Variants in SPATA16 observed in about 807,000 individuals in gnomAD.
SPATA16 encodes the protein spermatogenesis-associated protein 16.
A neutral mutation model predicts 63.3 loss-of-function variants in SPATA16; 36 were observed. The observed-to-expected ratio is 0.57, with a 90% CI of 0.44 to 0.75. The LOEUF is 0.75. Among genes scored for constraint, SPATA16 ranks in the 30% least tolerant of loss-of-function variants. The pLI is 0.00. For synonymous variants in SPATA16, 203 were observed against 216.7 expected (o/e 0.94, Z 0.56); for missense variants, 646 against 679.3 (o/e 0.95, Z 0.54).
chr3:172,990,735 T>C (rs1457658434), intron 4 of SPATA16, among the ~76,000 whole-genome samples: 1 of 152,174 alleles, frequency 6.6e-6, no homozygotes, highest in Non-Finnish European at 1.5e-5. Flanking sequence ...CTCTTGCCAA[T>C]TGTGAGTAAA....
At chr3:172,951,382 C>G (rs1167688430) in intron 6 of SPATA16, among the ~76,000 whole-genome samples, 1 of 151,802 alleles carries the variant, frequency 6.6e-6, no homozygotes, top group Non-Finnish European at 1.5e-5. Context: ...TCATCAGTCT[C>G]ATAGAAATTA....
chr3:172,908,801 A>G lies in SPATA16; in HGVS notation c.1587+4860T>C, dbSNP rs3732931. ...GGTGGTGATGCTGATATCAACTTCT[A>G]CTGGGCTCAGAACACAGTGTAGCTT... On this transcript the variant is annotated intron_variant, in intron 10 of 10. Transcript: ENST00000351008. 9.3e-5 allele frequency among the ~76,000 whole-genome samples: 14 copies of G among 151,240 alleles called. No individual in the cohort carries two copies. The East Asian group carries it at 2.5e-3, about 27-fold the overall frequency.
At chr3:173,048,844 T>C in intron 3 of SPATA16, 105 bp downstream of exon 3, 1 of 1,440,206 alleles carries the variant, frequency 6.9e-7, no homozygotes, top group Non-Finnish European at 9.7e-7. Flanking sequence ...AATGTTTGTT[T>C]CTTCTTTAAA....
intron 6 of SPATA16, among the ~76,000 whole-genome samples, chr3:172,939,658 G>A (rs1733099486): frequency 6.6e-6 from 1 of 152,208 alleles, no homozygotes; most frequent in Non-Finnish European, 1.5e-5. Flanking sequence ...TAAGAGTAAT[G>A]TCCTTTTAAA....
intron 8 of SPATA16, among the ~76,000 whole-genome samples, chr3:172,919,346 A>G (rs1380033473): frequency 2.0e-5 from 3 of 152,206 alleles, no homozygotes; most frequent in Non-Finnish European, 4.4e-5. Context: ...CTGCTGGCTG[A>G]ATGGGGTTGA....
At chr3:172,908,375 A>C (rs1037116257) in intron 10 of SPATA16, among the ~76,000 whole-genome samples, 1 of 152,226 alleles carries the variant, frequency 6.6e-6, no homozygotes, top group Non-Finnish European at 1.5e-5. Context: ...ACAGACATCT[A>C]TCTTTCTTGA....
chr3:173,135,473 C>T (rs190975508), intron 1 of SPATA16, among the ~76,000 whole-genome samples: 18 of 152,234 alleles, frequency 1.2e-4, no homozygotes, highest in Admixed American at 3.3e-4. Flanking sequence ...CATACAAGAA[C>T]GTTCACAGTA....
rs934786989 is a variant in SPATA16 at position 173,019,541 on chromosome 3, G to T, written c.793C>A (p.His265Asn). 1.9e-6 allele frequency: 3 copies of T among 1,614,052 alleles called. No homozygotes were observed. Among genetic ancestry groups the T allele is most frequent in the Middle Eastern group, 3.3e-4 (2 of 6,062 alleles). Reference protein sequence around the residue: ...IVLNPAYFRNHLRQATVFRCL... With the variant: ...IVLNPAYFRNNLRQATVFRCL... Reference sequence around the variant, plus strand: ...CTAAACACTGTTGCTTGACGAAGATGATTCCGGAAATAGGCTGGGTTTAAA... The same window carrying T: ...CTAAACACTGTTGCTTGACGAAGATTATTCCGGAAATAGGCTGGGTTTAAA... Residue 265 changes from histidine to asparagine, a missense_variant, in exon 4 of 11, where the codon CAT becomes AAT. Transcript: ENST00000351008.
chr3:173,049,021 A>C lies in SPATA16; in HGVS notation c.686T>G (p.Phe229Cys). Reference protein sequence around the residue: ...PAEDIASVASFIETKLVTCYL... With the variant: ...PAEDIASVASCIETKLVTCYL... Reference sequence around the variant, plus strand: ...ACAGGTAACAAGCTTTGTCTCAATGAAACTTGCCACGCTTGCTATATCTTC... The same window carrying C: ...ACAGGTAACAAGCTTTGTCTCAATGCAACTTGCCACGCTTGCTATATCTTC... The change falls in exon 3 of 11, where the codon TTC (phenylalanine) becomes TGC (cysteine). Residue 229 changes from phenylalanine (F) to cysteine (C), a missense_variant. Coordinates refer to ENST00000351008, the MANE Select transcript of SPATA16 (RefSeq NM_031955.6). 1.9e-6 allele frequency: 3 copies of C among 1,613,894 alleles called. No homozygotes were observed. The highest frequency in any genetic ancestry group is 1.7e-4 in the Middle Eastern group (1 of 6,060).
At chr3:173,048,754 G>A (rs571160326) in intron 3 of SPATA16, among the ~76,000 whole-genome samples, 195 bp downstream of exon 3, 1 of 152,206 alleles carries the variant, frequency 6.6e-6, no homozygotes, top group East Asian at 1.9e-4. Flanking sequence ...AGTTTCTTGT[G>A]TCTCTATTTC....
At chr3:173,022,854 T>TA (rs1361103904) in intron 3 of SPATA16, among the ~76,000 whole-genome samples, 2 of 152,182 alleles carry the variant, frequency 1.3e-5, no homozygotes, top group Middle Eastern at 3.4e-3. Flanking sequence ...GGGCTTTTGG[T>TA]AAAAAACAAG....
intron 6 of SPATA16, among the ~76,000 whole-genome samples, chr3:172,950,987 T>G (rs1425197270): frequency 6.6e-6 from 1 of 152,152 alleles, no homozygotes; most frequent in African/African-American, 2.4e-5. Flanking sequence ...ATTATTAAAA[T>G]ACAACCATGC....
chr3:172,903,328 T>A (rs1228481593), intron 10 of SPATA16, among the ~76,000 whole-genome samples: 1 of 152,256 alleles, frequency 6.6e-6, no homozygotes, highest in Non-Finnish European at 1.5e-5. Flanking sequence ...GAAAAACTTT[T>A]GCAAAGATAA....
At chr3:172,968,216 G>A (rs930774629) in intron 5 of SPATA16, among the ~76,000 whole-genome samples, 1 of 152,232 alleles carries the variant, frequency 6.6e-6, no homozygotes, top group Non-Finnish European at 1.5e-5. Flanking sequence ...CCCTTGCAGG[G>A]CATATTCTGA....
intron 2 of SPATA16, among the ~76,000 whole-genome samples, chr3:173,054,446 A>G (rs998030455): frequency 2.6e-5 from 4 of 152,238 alleles, no homozygotes; most frequent in South Asian, 2.1e-4. Context: ...ATGGAACACT[A>G]TGCAACCATA....
intron 10 of SPATA16, among the ~76,000 whole-genome samples, chr3:172,908,872 C>G (rs1732299383): frequency 6.6e-6 from 1 of 151,772 alleles, no homozygotes; most frequent in Admixed American, 6.6e-5. Context: ...TCTGCACACG[C>G]AAATTAACTC....
intron 5 of SPATA16, among the ~76,000 whole-genome samples, chr3:172,974,539 G>A (rs36026971): frequency 0.1 from 15,160 of 151,752 alleles, 863 homozygotes; most frequent in East Asian, 0.15. Flanking sequence ...TTAGGGATTC[G>A]AATGTATACA....
At chr3:173,049,204 C>T in intron 2 of SPATA16, 110 bp from the exon 3 acceptor site, 2 of 1,249,296 alleles carry the variant, frequency 1.6e-6, no homozygotes, top group Non-Finnish European at 2.2e-6. Flanking sequence ...CTTATGCTTG[C>T]TTATATGTTT....
intron 3 of SPATA16, among the ~76,000 whole-genome samples, chr3:173,030,057 ACTATCTAT>A (rs71785029): frequency 0.5 from 73,861 of 148,872 alleles, 18,468 homozygotes; most frequent in East Asian, 0.57. Flanking sequence ...TGGTTACTTT[ACTATCTAT>A]CTATCTATCT....
Sources: gnomAD v4.1 joint callset for allele counts (sites outside exome capture counted in the v4.1 genomes callset) on GRCh38, gnomAD v4.1.1 for gene constraint, MANE v1.5 for transcripts, NCBI Gene and HGNC (gene_info 2026-07-23, HGNC 2026-07-21) for gene names.